Variants in IGF1 observed in about 807,000 individuals in gnomAD.
IGF1 encodes insulin like growth factor 1.
Under a neutral mutation model 13.8 loss-of-function variants are expected in IGF1, and 4 were observed. That is an observed-to-expected ratio of 0.29 (90% CI 0.14 to 0.66). IGF1 has a LOEUF of 0.66. Ranked by LOEUF, IGF1 falls within the 30% of genes least tolerant of loss-of-function variation. The probability of loss-of-function intolerance (pLI) is 0.78; values close to 1 mark genes in which losing one functional copy is unlikely to be tolerated. For missense variants in IGF1, 124 were observed against 188.5 expected (o/e 0.66, Z 2.00); for synonymous variants, 76 against 72.6 (o/e 1.05, Z -0.23).
chr12:102,443,379 C>G (rs1404610945), intron 2 of IGF1, among the ~76,000 whole-genome samples: 1 of 152,052 alleles, frequency 6.6e-6, no homozygotes, highest in Non-Finnish European at 1.5e-5. Flanking sequence ...AATGTTGAAC[C>G]TCCAGCAGCC....
At position 102,473,225 on chromosome 12, in the gene IGF1, A is replaced by G. The variant is rs184260143; in HGVS notation, c.220+2418T>C. ...AATATTCAAGAAAAACATAAAGGAT[A>G]TAATTTATTCTCCATGGTTATTTTT... On this transcript the variant is annotated intron_variant, in intron 2 of 3. Transcript: ENST00000337514. Among the ~76,000 whole-genome samples, 680 of 152,322 alleles carry G rather than the reference A, an allele frequency of 4.5e-3. 8 individuals are homozygous for G. The highest frequency in any genetic ancestry group is 0.015 in the African/African-American group (640 of 41,580).
intron 3 of IGF1, among the ~76,000 whole-genome samples, chr12:102,408,477 C>T (rs1205519537): frequency 1.3e-5 from 2 of 152,138 alleles, no homozygotes; most frequent in African/African-American, 4.8e-5. Context: ...GAAACGTGTA[C>T]TCCTTGTTTA....
At chr12:102,439,001 A>C (rs1346816948) in intron 2 of IGF1, among the ~76,000 whole-genome samples, 2 of 152,176 alleles carry the variant, frequency 1.3e-5, no homozygotes, top group South Asian at 2.1e-4. Flanking sequence ...TACCCATTGG[A>C]ATGTGGGATC....
At chr12:102,475,458 T>G (rs971439656) in intron 2 of IGF1, among the ~76,000 whole-genome samples, 185 bp downstream of exon 2, 1 of 152,040 alleles carries the variant, frequency 6.6e-6, no homozygotes, top group African/African-American at 2.4e-5. Context: ...CCATCCTAGA[T>G]CTGCAAAACC....
At chr12:102,445,721 T>A (rs145518323) in intron 2 of IGF1, among the ~76,000 whole-genome samples, 95 of 152,020 alleles carry the variant, frequency 6.2e-4, no homozygotes, top group African/African-American at 2.2e-3. Context: ...ATTTGAAAAC[T>A]ATTTCTTTCT....
rs17882244 is a variant in IGF1 at position 102,408,625 on chromosome 12, C to G, written c.403-6059G>C. ...GGAATTCCCCCACCCCCTGCCAGTA[C>G]AACGGCTCTTCTTTGGCTCTAGTGG... On this transcript the variant is annotated intron_variant, in intron 3 of 3. Coordinates refer to ENST00000337514, the MANE Select transcript of IGF1 (RefSeq NM_000618.5). Among the ~76,000 whole-genome samples the G allele has an allele frequency of 1.9e-3, 286 of 152,280 alleles. 2 individuals are homozygous for G. Among genetic ancestry groups the G allele is most frequent in the African/African-American group, 6.4e-3 (267 of 41,546 alleles).
chr12:102,433,744 C>T (rs769268929), intron 2 of IGF1, among the ~76,000 whole-genome samples: 6 of 151,966 alleles, frequency 3.9e-5, no homozygotes, highest in Non-Finnish European at 7.4e-5. Flanking sequence ...GGTGCACAAA[C>T]GGTACAAAGA....
intron 3 of IGF1, chr12:102,415,625 T>TCCTTC (rs1592748014): frequency 4.8e-5 from 7 of 144,624 alleles, no homozygotes; most frequent in South Asian, 2.5e-4. Flanking sequence ...CTTCCTTCCT[T>TCCTTC]CTTCTCTCTG....
rs1873312036 is a variant in IGF1 at position 102,397,494 on chromosome 12, GTCTTCTC to G, written c.*5006_*5012del. The G allele has an allele frequency of 6.6e-6, 1 of 152,128 alleles. No individual in the cohort carries two copies. Among genetic ancestry groups the G allele is most frequent in the Non-Finnish European group, 1.5e-5 (1 of 68,014 alleles). 9.4% of individuals were successfully genotyped at this position (152,128 alleles called of 1,614,324 possible). On this transcript the variant is annotated 3_prime_UTR_variant, in exon 4 of 4. Transcript: ENST00000337514. The stretch of plus-strand genomic sequence containing the variant: ...CCATATGCACTTAAAGCTTCTGACA[GTCTTCTC>G]TCTTTTTTAAATAGAAATTACACAA...
intron 1 of IGF1, among the ~76,000 whole-genome samples, chr12:102,478,303 A>G (rs1351160911): frequency 6.6e-6 from 1 of 152,074 alleles, no homozygotes; most frequent in African/African-American, 2.4e-5. Flanking sequence ...AATCAGAAAG[A>G]CATGAGAAAA....
chr12:102,446,086 T>G (rs1241727351), intron 2 of IGF1, among the ~76,000 whole-genome samples: 1 of 151,678 alleles, frequency 6.6e-6, no homozygotes, highest in Non-Finnish European at 1.5e-5. Flanking sequence ...ATGATCGTCG[T>G]GGATAAGCTT....
chr12:102,478,171 A>G (rs1881184341), intron 1 of IGF1, among the ~76,000 whole-genome samples: 1 of 152,006 alleles, frequency 6.6e-6, no homozygotes, highest in South Asian at 2.1e-4. Flanking sequence ...GAACTTGCTT[A>G]GGAGTTTAAA....
intron 2 of IGF1, among the ~76,000 whole-genome samples, chr12:102,441,906 G>GCTGCTTCTTCTTCTTCCTT: frequency 6.0e-5 from 6 of 100,290 alleles, no homozygotes; most frequent in Non-Finnish European, 1.0e-4. Flanking sequence ...CTATTACACT[G>GCTGCTTCTTCTTCTTCCTT]CTTCTTCTCC....
chr12:102,475,497 T>C lies in IGF1; in HGVS notation c.220+146A>G, dbSNP rs1365132928. The C allele has an allele frequency of 7.7e-6, 7 of 906,066 alleles. No homozygotes were observed. The Admixed American group carries it at 1.4e-4, about 19-fold the overall frequency. 56.1% of individuals were successfully genotyped at this position (906,066 alleles called of 1,614,324 possible). The stretch of plus-strand genomic sequence containing the variant: ...CAAAGTCCCGCCAAAACACTATGCT[T>C]ACTTTAAGGTGAGGAATCTCAGAGG... On this transcript the variant is annotated intron_variant, in intron 2 of 3. Transcript: ENST00000337514.
intron 3 of IGF1, among the ~76,000 whole-genome samples, chr12:102,412,405 C>G (rs78668884): frequency 0.019 from 2,853 of 152,092 alleles, 44 homozygotes; most frequent in Non-Finnish European, 0.023. Context: ...CACACACACG[C>G]GCACACACAC....
chr12:102,424,130 G>A (rs1875993557), intron 2 of IGF1, among the ~76,000 whole-genome samples: 1 of 152,072 alleles, frequency 6.6e-6, no homozygotes, highest in African/African-American at 2.4e-5. Context: ...ACGTTTTCAA[G>A]TTGGGAAGCA....
intron 2 of IGF1, among the ~76,000 whole-genome samples, chr12:102,433,145 G>A (rs534777899): frequency 7.2e-5 from 11 of 152,232 alleles, no homozygotes; most frequent in African/African-American, 2.6e-4. Context: ...TGATATCCCT[G>A]ACAATCTGCC....
At chr12:102,461,590 T>C (rs1336240311) in intron 2 of IGF1, among the ~76,000 whole-genome samples, 1 of 152,208 alleles carries the variant, frequency 6.6e-6, no homozygotes, top group Non-Finnish European at 1.5e-5. Flanking sequence ...CTTGCTTGGC[T>C]GTTCTTGAAA....
intron 2 of IGF1, among the ~76,000 whole-genome samples, chr12:102,467,695 A>C (rs900663699): frequency 6.6e-6 from 1 of 152,208 alleles, no homozygotes; most frequent in South Asian, 2.1e-4. Context: ...GGAACCAACA[A>C]GATCTATGCT....
Sources: gnomAD v4.1 joint callset for allele counts (sites outside exome capture counted in the v4.1 genomes callset) on GRCh38, gnomAD v4.1.1 for gene constraint, MANE v1.5 for transcripts, NCBI Gene and HGNC (gene_info 2026-07-23, HGNC 2026-07-21) for gene names.